Variants in QSER1 observed in about 807,000 individuals in gnomAD.
QSER1 encodes glutamine and serine-rich protein 1.
Under a neutral mutation model 158.5 loss-of-function variants are expected in QSER1, and 49 were observed. That is an observed-to-expected ratio of 0.31 (90% CI 0.25 to 0.39). QSER1 has a LOEUF of 0.39. Ranked by LOEUF, QSER1 falls within the 10% of genes least tolerant of loss-of-function variation. The pLI, the probability that QSER1 is intolerant of heterozygous loss-of-function variation, is 1.00. For missense variants in QSER1, 1,754 were observed against 2,010.3 expected, an observed-to-expected ratio of 0.87 and a Z score of 2.44; for synonymous variants, 650 against 715.5, an observed-to-expected ratio of 0.91 and a Z score of 1.46.
In QSER1 at chr11:32,979,504, CAGTTA is replaced by C. The variant is rs905516274; in HGVS notation, c.*3035_*3039del. 2.0e-5 allele frequency: 3 copies of C among 152,196 alleles called. No individual in the cohort carries two copies. The highest frequency in any genetic ancestry group is 2.1e-4 in the South Asian group (1 of 4,822). 9.4% of individuals were successfully genotyped at this position (152,196 alleles called of 1,614,324 possible). On this transcript the variant is annotated 3_prime_UTR_variant, in exon 13 of 13. Coordinates refer to ENST00000650167, the MANE Select transcript of QSER1 (RefSeq NM_001076786.3). ...ATGTATAATGACTTATGAATTAGCA[CAGTTA>C]AGTTGACACTAGAAACTGCCCATTT... is the stretch of plus-strand genomic sequence containing the variant.
chr11:32,974,854 A>G (rs1016186451), intron 11 of QSER1, among the ~76,000 whole-genome samples: 4 of 152,198 alleles, frequency 2.6e-5, no homozygotes, highest in African/African-American at 9.6e-5. Flanking sequence ...TTCCCTTCTC[A>G]TTACAAAATT....
At chr11:32,898,532 T>C (rs773337791) in intron 1 of QSER1, among the ~76,000 whole-genome samples, 19 of 146,188 alleles carry the variant, frequency 1.3e-4, no homozygotes, top group Admixed American at 2.7e-4. Flanking sequence ...ACACACACAT[T>C]GTAATGTGCT....
rs769560066 is a variant in QSER1 at position 32,931,779 on chromosome 11, C to T, written c.521C>T (p.Thr174Ile). ...TCAGCAGCAACTGAGCTGTTTGCTA[C>T]TGGACCTTTGCCAAGCACTGGAACA... ...HSSAATELFA[T>I]GPLPSTGTLP... The change falls in exon 4 of 13, where the codon ACT becomes ATT. Residue 174 changes from threonine to isoleucine, a missense_variant. Physicochemically the swap from Thr to Ile is moderately conservative, Grantham distance 89. Around this residue, in one of 2 missense-constraint regions of QSER1, gnomAD observed 1,707 missense variants for 1,919.6 expected, o/e 0.89. Transcript: ENST00000650167. 6.2e-6 allele frequency: 10 copies of T among 1,612,344 alleles called. No homozygotes were observed. In the South Asian group the frequency reaches 9.9e-5, roughly 16 times the overall value.
chr11:32,895,082 G>C (rs1006291502), intron 1 of QSER1, among the ~76,000 whole-genome samples: 1 of 152,168 alleles, frequency 6.6e-6, no homozygotes, highest in African/African-American at 2.4e-5. Context: ...TCTGAGGCAA[G>C]AAACTAAAAT....
intron 10 of QSER1, among the ~76,000 whole-genome samples, chr11:32,969,668 CTT>C (rs1273597584): frequency 1.3e-5 from 2 of 149,288 alleles, no homozygotes; most frequent in Non-Finnish European, 3.0e-5. Context: ...AAATTTCTAG[CTT>C]TTTTTCTTTT....
intron 8 of QSER1, among the ~76,000 whole-genome samples, chr11:32,964,739 TACACACACACACAC>T (rs1176492165): frequency 1.8e-3 from 181 of 100,734 alleles, no homozygotes; most frequent in Middle Eastern, 0.011. Flanking sequence ...TATATATATA[TACACACACACACAC>T]ACACACACAC....
intron 1 of QSER1, among the ~76,000 whole-genome samples, chr11:32,920,175 G>A (rs1397625113): frequency 3.9e-5 from 6 of 152,308 alleles, no homozygotes; most frequent in African/African-American, 1.4e-4. Flanking sequence ...GTCCGCCAGA[G>A]TAAGGAAATA....
intron 12 of QSER1, 128 bp from the exon 13 acceptor site, chr11:32,976,206 C>A: frequency 1.2e-6 from 1 of 821,734 alleles, no homozygotes; most frequent in Non-Finnish European, 1.7e-6. Context: ...TGAGATCTCA[C>A]CCAAATTTAG....
intron 4 of QSER1, among the ~76,000 whole-genome samples, chr11:32,945,227 T>C (rs1190928663): frequency 2.7e-5 from 4 of 150,044 alleles, no homozygotes; most frequent in African/African-American, 7.4e-5. Context: ...GAGCATTTAG[T>C]CCATTTACAT....
rs1852087809 is a variant in QSER1, at chr11:32,933,548, G to A, written c.2290G>A (p.Val764Ile). 1.9e-6 allele frequency: 3 copies of A among 1,613,762 alleles called. No individual in the cohort carries two copies. Among genetic ancestry groups the A allele is most frequent in the East Asian group, 4.5e-5 (2 of 44,874 alleles). Residue 764 changes from valine to isoleucine, a missense_variant, in exon 4 of 13, where the codon GTT becomes ATT. Physicochemically the swap from Val to Ile is conservative, Grantham distance 29. Transcript: ENST00000650167. Reference sequence around the variant, plus strand: ...GCAAGCATCAAAAAAAGAAGAAAGTGTTGTTGGTTCAGTGACACAACTTAA... The same window carrying A: ...GCAAGCATCAAAAAAAGAAGAAAGTATTGTTGGTTCAGTGACACAACTTAA... ...ALQASKKEES[V>I]VGSVTQLNQQ...
intron 4 of QSER1, among the ~76,000 whole-genome samples, chr11:32,944,262 T>G (rs1852291026): frequency 6.8e-6 from 1 of 147,626 alleles, no homozygotes. Context: ...TTTAGTTATT[T>G]CTTGCCTTCT....
intron 8 of QSER1, among the ~76,000 whole-genome samples, chr11:32,959,660 C>T (rs1852586400): frequency 6.6e-6 from 1 of 152,090 alleles, no homozygotes; most frequent in East Asian, 1.9e-4. Context: ...TCTGACATTA[C>T]AAGTATCATT....
In QSER1 at chr11:32,893,681, AG is replaced by A. The variant is rs988156366; in HGVS notation, c.209+352del. Among the ~76,000 whole-genome samples the A allele has an allele frequency of 6.6e-5, 10 of 152,124 alleles. No homozygotes were observed. Among genetic ancestry groups the A allele is most frequent in the Non-Finnish European group, 1.2e-4 (8 of 67,968 alleles). ...CCCAGGATTGGCGCCGGGGGTCCGA[AG>A]GGGGCGCCGGAGAGTTTGGGGCAGT... is the stretch of plus-strand genomic sequence containing the variant. On this transcript the variant is annotated intron_variant, in intron 1 of 12. Coordinates refer to ENST00000650167, the MANE Select transcript of QSER1 (RefSeq NM_001076786.3). The surrounding 1 kb of genome is among the most constrained non-coding windows in gnomAD (Gnocchi z 4.7).
In QSER1 at chr11:32,969,691, T is replaced by C. The variant is rs527646512; in HGVS notation, c.5205+548T>C. ...AGCTTTTTTTCTTTTCTTTTCTTTT[T>C]TTTTTTTTTTTGAGACAGAGTCTAG... On this transcript the variant is annotated intron_variant, in intron 10 of 12. Transcript: ENST00000650167. Among the ~76,000 whole-genome samples the C allele has an allele frequency of 3.7e-3, 536 of 144,782 alleles. 2 individuals are homozygous for C. Among genetic ancestry groups the C allele is most frequent in the African/African-American group, 0.012 (449 of 36,402 alleles). The allele number at this position is 144,782 out of a possible 152,430, so 95.0% of individuals were successfully genotyped here.
At chr11:32,945,427 G>T (rs1232220986) in intron 4 of QSER1, among the ~76,000 whole-genome samples, 3 of 151,030 alleles carry the variant, frequency 2.0e-5, no homozygotes, top group Non-Finnish European at 4.5e-5. Flanking sequence ...TTTAGGGCAG[G>T]CCTGGTGGTG....
chr11:32,923,439 C>T (rs574885384), intron 1 of QSER1, among the ~76,000 whole-genome samples: 2 of 151,714 alleles, frequency 1.3e-5, no homozygotes, highest in East Asian at 1.9e-4. Context: ...TTTGGGAGGC[C>T]GAAGTGGGCA....
intron 3 of QSER1, among the ~76,000 whole-genome samples, chr11:32,929,586 A>G (rs1342999136): frequency 6.6e-6 from 1 of 152,220 alleles, no homozygotes; most frequent in African/African-American, 2.4e-5. Flanking sequence ...AACTGGACCT[A>G]AACTAATGTA....
chr11:32,964,773 CACACACACAT>C (rs1296248182), intron 8 of QSER1, among the ~76,000 whole-genome samples: 23 of 140,760 alleles, frequency 1.6e-4, no homozygotes, highest in Admixed American at 4.3e-4. Context: ...CACACACACA[CACACACACAT>C]ACACACACAT....
Position 32,934,293 on chromosome 11 carries a change from A to T in QSER1, c.3035A>T (p.Asp1012Val). 1 of 1,614,024 alleles carries T rather than the reference A, an allele frequency of 6.2e-7. No homozygotes were observed. Among genetic ancestry groups the T allele is most frequent in the Non-Finnish European group, 8.5e-7 (1 of 1,179,998 alleles). Residue 1012 changes from aspartate (D) to valine (V), a missense_variant, in exon 4 of 13, where the codon GAT becomes GTT. Coordinates refer to ENST00000650167, the MANE Select transcript of QSER1 (RefSeq NM_001076786.3). ...AATGAAACCATGCAGGCTGTTGAAG[A>T]TGGTGATTCTAAATCTCATTTTCAG... ...TSNETMQAVE[D>V]GDSKSHFQQS...
Sources: gnomAD v4.1 joint callset for allele counts (sites outside exome capture counted in the v4.1 genomes callset) on GRCh38, gnomAD v4.1.1 for gene constraint, gnomAD v4.1.1 regional missense constraint, Gnocchi (gnomAD v3.1) non-coding constraint, MANE v1.5 for transcripts, NCBI Gene and HGNC (gene_info 2026-07-23, HGNC 2026-07-21) for gene names.